UNKL: variants seen among roughly 807,000 people sequenced by gnomAD.
The protein encoded by UNKL is unk like zinc finger, also known as putative E3 ubiquitin-protein ligase UNKL.
Under a neutral mutation model 78.0 loss-of-function variants are expected in UNKL, and 60 were observed. That is an observed-to-expected ratio of 0.77 (90% confidence interval 0.63 to 0.95). The LOEUF (loss-of-function observed/expected upper bound fraction) is 0.95. UNKL is among the 40% of genes least tolerant of loss of function. The pLI is 0.00. For missense variants in UNKL, 1,159 were observed against 1,045.7 expected (o/e 1.11, Z -1.49); for synonymous variants, 608 against 474.8 (o/e 1.28, Z -3.65).
intron 10 of UNKL, chr16:1,384,011 C>A (rs1370079625): frequency 1.5e-5 from 3 of 195,672 alleles, no homozygotes; most frequent in Non-Finnish European, 3.4e-5. Flanking sequence ...TCCCATTCCA[C>A]CCCAGCCCAG....
At chr16:1,374,539 C>T (rs2036069935) in intron 10 of UNKL, among the ~76,000 whole-genome samples, 1 of 152,200 alleles carries the variant, frequency 6.6e-6, no homozygotes. Flanking sequence ...CGGGAACCTC[C>T]ACAGCCTGGC....
At position 1,365,595 on chromosome 16, in the gene UNKL, T is replaced by C. The variant is rs1391863928; in HGVS notation, c.*645A>G. 2 of 152,606 alleles carry C rather than the reference T, an allele frequency of 1.3e-5. No homozygotes were observed. The highest frequency in any genetic ancestry group is 2.9e-5 in the Non-Finnish European group (2 of 68,030). 9.5% of individuals were successfully genotyped at this position (152,606 alleles called of 1,614,324 possible). A position where few individuals can be genotyped will look rare whatever the true frequency, so the allele number is the denominator to read the frequency against. ...TAAAAACATCTCAATCCATAATCAC[T>C]CTGCTTATAAATACTATTTGCACTT... On this transcript the variant is annotated 3_prime_UTR_variant, in exon 15 of 15. Coordinates refer to ENST00000389221, the MANE Select transcript of UNKL (RefSeq NM_001372107.1).
chr16:1,398,879 AG>A, intron 5 of UNKL: 1 of 1,575,532 alleles, frequency 6.3e-7, no homozygotes, highest in Non-Finnish European at 8.6e-7. Context: ...CACCCTGGGC[AG>A]GGCGACCCTT....
At chr16:1,396,759 G>C (rs141908055) in intron 6 of UNKL, among the ~76,000 whole-genome samples, 1 of 151,860 alleles carries the variant, frequency 6.6e-6, no homozygotes, top group East Asian at 1.9e-4. Context: ...ACGCCTGGCT[G>C]ATTTTTTGCA....
chr16:1,370,349 A>G lies in UNKL; in HGVS notation c.1366T>C (p.Ser456Pro). ...GHDLGAAGPR[S>P]LAGSAPVAIP... ...GCGACAGGTGCAGAGCCGGCCAGCG[A>G]CCTGGGACCTGGCGGGGGCGGACCA... The change falls in exon 12 of 15, where the codon TCG (serine) becomes CCG (proline). Residue 456 changes from serine (S) to proline (P), a missense_variant. Ser to Pro is a moderately conservative substitution (Grantham distance 74). Coordinates refer to ENST00000389221, the MANE Select transcript of UNKL (RefSeq NM_001372107.1). 3.9e-6 allele frequency: 6 copies of G among 1,532,606 alleles called. No homozygotes were observed. Among genetic ancestry groups the G allele is most frequent in the Non-Finnish European group, 5.2e-6 (6 of 1,145,942 alleles). 94.9% of individuals were successfully genotyped at this position (1,532,606 alleles called of 1,614,324 possible).
chr16:1,392,936 G>C lies in UNKL; in HGVS notation c.978C>G (p.Leu326=), dbSNP rs1306083153. ...CCGTGGAGGAAGGACTCGTGAGGTG[G>C]AGGTCGTGACAGCCCCATTCATTCA... The part of the protein sequence containing the change: ...GMVNEWGCHD[L]HLTSPSSTGS... Residue 326 remains leucine, a synonymous_variant, in exon 8 of 15, where the codon CTC becomes CTG. Transcript: ENST00000389221. 6.4e-7 allele frequency: 1 copy of C among 1,550,582 alleles called. No homozygotes were observed. The highest frequency in any genetic ancestry group is 2.4e-5 in the East Asian group (1 of 40,918).
At chr16:1,370,471 G>T (rs1043716259) in intron 11 of UNKL, 114 bp from the exon 12 acceptor site, 2 of 1,440,508 alleles carry the variant, frequency 1.4e-6, no homozygotes, top group Non-Finnish European at 1.8e-6. Context: ...GTGGGGATAT[G>T]GGGGGTGGGA....
At chr16:1,395,012 G>A (rs564286297) in intron 6 of UNKL, among the ~76,000 whole-genome samples, 5 of 151,528 alleles carry the variant, frequency 3.3e-5, no homozygotes, top group Non-Finnish European at 7.4e-5. Flanking sequence ...CAAGTAGCTG[G>A]GATTACAAGC....
At position 1,366,413 on chromosome 16, in the gene UNKL, T is replaced by C. The variant is rs929823584; in HGVS notation, c.2047-18A>G. The C allele has an allele frequency of 5.8e-6, 9 of 1,564,136 alleles. No individual in the cohort carries two copies. Among genetic ancestry groups the C allele is most frequent in the Admixed American group, 1.8e-5 (1 of 56,914 alleles). ...AAGATCACCTGCAGGGCCAGAACAA[T>C]GACGGGCTCAGGAGGCCCCTGCCCA... On this transcript the variant is annotated intron_variant, in intron 14 of 14. Transcript: ENST00000389221.
chr16:1,396,003 C>T (rs181616959), intron 6 of UNKL, among the ~76,000 whole-genome samples: 134 of 152,214 alleles, frequency 8.8e-4, no homozygotes, highest in Middle Eastern at 3.4e-3. Flanking sequence ...AGTGCAGTGG[C>T]GCACTCTTGG....
chr16:1,376,713 C>CA (rs1555455488), intron 10 of UNKL, among the ~76,000 whole-genome samples: 4 of 151,950 alleles, frequency 2.6e-5, no homozygotes, highest in African/African-American at 7.3e-5. Context: ...AAGACCCCCC[C>CA]ATGGACGCCT....
intron 12 of UNKL, chr16:1,368,190 A>C: frequency 2.6e-6 from 1 of 386,952 alleles, no homozygotes; most frequent in Non-Finnish European, 4.7e-6. Flanking sequence ...CTCAGACTCC[A>C]CTCCCAGGAA....
At chr16:1,367,569 T>TCCCTCCCTC (rs1358787570) in intron 13 of UNKL, 87 bp downstream of exon 13, 14 of 201,800 alleles carry the variant, frequency 6.9e-5, no homozygotes, top group African/African-American at 3.1e-4. Flanking sequence ...CCTCCCTCCC[T>TCCCTCCCTC]CCCCTCCCAT....
At chr16:1,368,067 C>T (rs11861069) in intron 12 of UNKL, 15 of 523,956 alleles carry the variant, frequency 2.9e-5, no homozygotes, top group South Asian at 1.4e-4. Context: ...ACACCTGCCC[C>T]GGCCGGTCTC....
At position 1,364,407 on chromosome 16, in the gene UNKL, G is replaced by A. The variant is rs2035067503; in HGVS notation, c.*1833C>T. 1 of 152,230 alleles carries A rather than the reference G, an allele frequency of 6.6e-6. No individual in the cohort carries two copies. Among genetic ancestry groups the A allele is most frequent in the Non-Finnish European group, 1.5e-5 (1 of 68,050 alleles). The allele number at this position is 152,230 out of a possible 1,614,324, so 9.4% of individuals were successfully genotyped here. On this transcript the variant is annotated 3_prime_UTR_variant, in exon 15 of 15. Transcript: ENST00000389221. The stretch of plus-strand genomic sequence containing the variant: ...TTAAAAAATGCTATTAAAAGTCTTT[G>A]GCAAAGCCACGGTCGGGGAGAAACA...
intron 10 of UNKL, chr16:1,379,805 G>T: frequency 1.4e-6 from 1 of 708,902 alleles, no homozygotes; most frequent in Non-Finnish European, 1.7e-6. Context: ...CGACTCGGGC[G>T]CACCCGGTCC....
At chr16:1,413,090 C>T (rs1177361881) in intron 2 of UNKL, among the ~76,000 whole-genome samples, 1 of 151,750 alleles carries the variant, frequency 6.6e-6, no homozygotes. Flanking sequence ...CCTACAAAAA[C>T]TATGCAAAAT....
At chr16:1,401,417 A>T in intron 4 of UNKL, 151 bp downstream of exon 4, 1 of 1,001,116 alleles carries the variant, frequency 1.0e-6, no homozygotes, top group Non-Finnish European at 1.3e-6. Context: ...CCTGTTGGGG[A>T]GGGCTTGGTA....
intron 2 of UNKL, among the ~76,000 whole-genome samples, chr16:1,408,271 C>A (rs62011312): frequency 1.4e-5 from 2 of 146,344 alleles, no homozygotes; most frequent in Non-Finnish European, 3.0e-5. Flanking sequence ...CCCCCCCCCC[C>A]AACGACCAGG....
Sources: gnomAD v4.1 joint callset for allele counts (sites outside exome capture counted in the v4.1 genomes callset) on GRCh38, gnomAD v4.1.1 for gene constraint, MANE v1.5 for transcripts, NCBI Gene and HGNC (gene_info 2026-07-23, HGNC 2026-07-21) for gene names.